Variants in TCF20 observed in about 807,000 individuals in gnomAD.
TCF20 encodes SPRE-binding protein.
A neutral mutation model predicts 148.6 loss-of-function variants in TCF20; 3 were observed. That is an observed-to-expected ratio of 0.02 (90% CI 0.01 to 0.05). The LOEUF (loss-of-function observed/expected upper bound fraction) is 0.05, where lower values mean the gene tolerates loss of function less well. Ranked by LOEUF, TCF20 falls within the 10% of genes least tolerant of loss-of-function variation. TCF20 has a pLI of 1.00. For missense variants in TCF20, 2,350 were observed against 2,429.3 expected, an observed-to-expected ratio of 0.97 and a Z score of 0.69; for synonymous variants, 1,049 against 909.5, an observed-to-expected ratio of 1.15 and a Z score of -2.76.
intron 1 of TCF20, among the ~76,000 whole-genome samples, chr22:42,237,838 G>C (rs1367174064): frequency 6.6e-6 from 1 of 152,180 alleles, no homozygotes; most frequent in Non-Finnish European, 1.5e-5. Context: ...CTCAACAGTG[G>C]CCTTAAAATA....
At chr22:42,326,477 C>T (rs1011808309) in intron 1 of TCF20, among the ~76,000 whole-genome samples, 8 of 152,328 alleles carry the variant, frequency 5.3e-5, no homozygotes, top group African/African-American at 1.9e-4. Flanking sequence ...CTGCCAGCAG[C>T]ACCTTGGACA....
At chr22:42,287,121 GC>G (rs1175954406), upstream of TCF20, among the ~76,000 whole-genome samples, 2 of 152,086 alleles carry the variant, frequency 1.3e-5, no homozygotes, top group African/African-American at 2.4e-5. Context: ...AACCCCAGAA[GC>G]AAAAAAGCAC....
At chr22:42,255,535 CATT>C (rs1925694871) in intron 1 of TCF20, among the ~76,000 whole-genome samples, 1 of 151,740 alleles carries the variant, frequency 6.6e-6, no homozygotes, top group Admixed American at 6.6e-5. Flanking sequence ...AACAAAACCA[CATT>C]ATTTATTGTT....
In TCF20 at chr22:42,267,745, G is replaced by A. The variant is rs117750154; in HGVS notation, c.-37+2594C>T. The stretch of plus-strand genomic sequence containing the variant: ...GTTTACTTGTGTGATAGGCCTGATG[G>A]TAACATACAAGAAAATTACTACCAA... On this transcript the variant is annotated intron_variant, in intron 1 of 5. Transcript: ENST00000677622. Among the ~76,000 whole-genome samples the A allele has an allele frequency of 8.1e-3, 1,224 of 152,048 alleles. 15 individuals carry two copies. The highest frequency in any genetic ancestry group is 0.011 in the Non-Finnish European group (765 of 67,966).
chr22:42,245,440 C>T (rs140048223), intron 1 of TCF20, among the ~76,000 whole-genome samples: 167 of 152,224 alleles, frequency 1.1e-3, no homozygotes, highest in African/African-American at 3.9e-3. Flanking sequence ...CGTGGAAGAA[C>T]AAGATGCTAT....
rs185471454 is a variant in TCF20 at position 42,178,828 on chromosome 22, C to T, written c.5749+781G>A. ...CTCCTGACCCCATGATCCACCCGCCCGGCCTACAAATAATTCTTAAAACTT... is the reference window on the plus strand; with the variant it reads ...CTCCTGACCCCATGATCCACCCGCCTGGCCTACAAATAATTCTTAAAACTT... On this transcript the variant is annotated intron_variant, in intron 3 of 5. Transcript: ENST00000677622. Among the ~76,000 whole-genome samples, 161 of 151,178 alleles carry T rather than the reference C, an allele frequency of 1.1e-3. 1 individual carries two copies. The highest frequency in any genetic ancestry group is 2.5e-3 in the African/African-American group (104 of 41,308).
chr22:42,163,435 T>G (rs1935584870), intron 5 of TCF20, among the ~76,000 whole-genome samples: 1 of 152,220 alleles, frequency 6.6e-6, no homozygotes, highest in East Asian at 1.9e-4. Flanking sequence ...TTTTCAAGAG[T>G]TACTTTAAAA....
upstream of TCF20, among the ~76,000 whole-genome samples, chr22:42,285,519 C>T (rs539877445): frequency 3.1e-3 from 476 of 152,226 alleles, no homozygotes; most frequent in African/African-American, 0.011. This position sits in a 1 kb window ranked among gnomAD's most constrained non-coding sequence, Gnocchi z 4.2. Flanking sequence ...GGAGGCATTC[C>T]GCAGCCCTTC....
At chr22:42,194,693 CTG>C (rs1937508415) in intron 2 of TCF20, among the ~76,000 whole-genome samples, 1 of 152,106 alleles carries the variant, frequency 6.6e-6, no homozygotes, top group African/African-American at 2.4e-5. Context: ...TCTTGGTGGA[CTG>C]TGAGTTTCAC....
chr22:42,175,692 G>A (rs1569106301), intron 3 of TCF20, among the ~76,000 whole-genome samples: 1 of 152,116 alleles, frequency 6.6e-6, no homozygotes, highest in Non-Finnish European at 1.5e-5. Flanking sequence ...ACAGAATATG[G>A]CAGACCATGA....
chr22:42,195,018 C>T (rs2147141257), intron 2 of TCF20, among the ~76,000 whole-genome samples: 1 of 151,564 alleles, frequency 6.6e-6, no homozygotes, highest in South Asian at 2.1e-4. Context: ...GAAATTCCTT[C>T]ATTCTGAAAT....
chr22:42,201,731 G>A (rs1938038442), intron 2 of TCF20, among the ~76,000 whole-genome samples: 1 of 151,956 alleles, frequency 6.6e-6, no homozygotes, highest in Non-Finnish European at 1.5e-5. Context: ...TTGTGCCATT[G>A]CGGTCCAGCC....
chr22:42,194,218 A>G (rs543829309), intron 2 of TCF20, among the ~76,000 whole-genome samples: 1 of 152,330 alleles, frequency 6.6e-6, no homozygotes, highest in South Asian at 2.1e-4. Flanking sequence ...CTGAGCAACA[A>G]GATTTTTTGT....
intron 1 of TCF20, among the ~76,000 whole-genome samples, chr22:42,332,116 C>T (rs1035042772): frequency 5.3e-5 from 8 of 152,170 alleles, no homozygotes; most frequent in East Asian, 3.8e-4. Flanking sequence ...CTGTCTAGGG[C>T]GAGCAGATGC....
chr22:42,224,999 A>AC (rs1056674870), intron 1 of TCF20, among the ~76,000 whole-genome samples: 12 of 98,798 alleles, frequency 1.2e-4, no homozygotes, highest in Non-Finnish European at 2.5e-4. Flanking sequence ...GGAAATAATC[A>AC]CTTTTTTTTT....
intron 1 of TCF20, among the ~76,000 whole-genome samples, chr22:42,334,847 C>T (rs530373223): frequency 2.5e-4 from 38 of 152,194 alleles, no homozygotes; most frequent in Non-Finnish European, 4.0e-4. Flanking sequence ...CCTGTCTGTC[C>T]GTCCCATGGG....
intron 3 of TCF20, among the ~76,000 whole-genome samples, chr22:42,170,795 C>A (rs1936090592): frequency 6.6e-6 from 1 of 151,924 alleles, no homozygotes; most frequent in African/African-American, 2.4e-5. Context: ...CTAGGCTAAC[C>A]CCATTTCTCA....
intron 1 of TCF20, among the ~76,000 whole-genome samples, chr22:42,282,034 AAGGAC>A (rs1926913421): frequency 6.6e-6 from 1 of 152,226 alleles, no homozygotes; most frequent in Non-Finnish European, 1.5e-5. Context: ...CACCTGAGAG[AAGGAC>A]AGGGAAGGCT....
chr22:42,212,900 G>A lies in TCF20; in HGVS notation c.2406C>T (p.Gly802=), dbSNP rs762851839. 2.5e-6 allele frequency: 4 copies of A among 1,614,116 alleles called. No homozygotes were observed. The highest frequency in any genetic ancestry group is 3.4e-6 in the Non-Finnish European group (4 of 1,180,026). Residue 802 remains glycine (G), a synonymous_variant, in exon 2 of 6, where the codon GGC becomes GGT. Transcript: ENST00000677622. ...GAGACCCAATGCTTTTGTTCAGAAG[G>A]CCCCTGCTAGCTAATTCATTGGTTT... ...VSQTNELASR[G]LLNKSIGSLL... is the part of the protein sequence containing the mutation.
Sources: gnomAD v4.1 joint callset for allele counts (sites outside exome capture counted in the v4.1 genomes callset) on GRCh38, gnomAD v4.1.1 for gene constraint, Gnocchi (gnomAD v3.1) non-coding constraint, MANE v1.5 for transcripts, NCBI Gene and HGNC (gene_info 2026-07-23, HGNC 2026-07-21) for gene names.